The following ZDHHC21 variants were observed in gnomAD, a reference collection of about 807,000 sequenced individuals.
ZDHHC21 encodes the protein palmitoyltransferase ZDHHC21.
Under a neutral mutation model 34.6 loss-of-function variants are expected in ZDHHC21, and 15 were observed. That is an observed-to-expected ratio of 0.43 (90% CI 0.29 to 0.67). The LOEUF (loss-of-function observed/expected upper bound fraction) is 0.67, where lower values mean the gene tolerates loss of function less well. Among genes scored for constraint, ZDHHC21 ranks in the 30% least tolerant of loss-of-function variants. The pLI, the probability that ZDHHC21 is intolerant of heterozygous loss-of-function variation, is 0.14. For missense variants in ZDHHC21, 344 were observed against 327.7 expected (o/e 1.05, Z -0.38); for synonymous variants, 142 against 101.8 (o/e 1.40, Z -2.38).
chr9:14,595,601 G>A, the ZDHHC21 span, among the ~76,000 whole-genome samples: 1 of 152,104 alleles, frequency 6.6e-6, no homozygotes, highest in African/African-American at 2.4e-5. Context: ...AATATAACAG[G>A]TGAATTTTAA....
intron 6 of ZDHHC21, among the ~76,000 whole-genome samples, chr9:14,659,788 A>C (rs1003604186): frequency 6.6e-6 from 1 of 152,208 alleles, no homozygotes. Context: ...GGCATTTCTT[A>C]AGATTTAAGA....
intron 7 of ZDHHC21, among the ~76,000 whole-genome samples, chr9:14,643,382 G>C (rs905061074): frequency 6.6e-6 from 1 of 152,076 alleles, no homozygotes; most frequent in Non-Finnish European, 1.5e-5. Context: ...TACCCTAAAG[G>C]TAAAGGTTAC....
intron 8 of ZDHHC21, among the ~76,000 whole-genome samples, chr9:14,633,764 G>A (rs1268664027): frequency 2.0e-5 from 3 of 152,136 alleles, no homozygotes; most frequent in Non-Finnish European, 2.9e-5. Flanking sequence ...CCCACCCACA[G>A]CAGCCATTGT....
chr9:14,685,361 AAAAC>A (rs1164016474), intron 2 of ZDHHC21, among the ~76,000 whole-genome samples: 8 of 151,760 alleles, frequency 5.3e-5, no homozygotes, highest in African/African-American at 1.5e-4. Context: ...TTACAAGAAA[AAAAC>A]AAACAACCCC....
At chr9:14,644,723 G>A (rs193256353) in intron 7 of ZDHHC21, among the ~76,000 whole-genome samples, 4 of 151,342 alleles carry the variant, frequency 2.6e-5, no homozygotes, top group Admixed American at 2.0e-4. Flanking sequence ...TTCATTCCTA[G>A]GATAAACTCA....
At chr9:14,692,240 C>T (rs1412168554) in intron 1 of ZDHHC21, among the ~76,000 whole-genome samples, 1 of 152,124 alleles carries the variant, frequency 6.6e-6, no homozygotes, top group Non-Finnish European at 1.5e-5. Context: ...CCAGGAATGG[C>T]GCATACTAAG....
chr9:14,606,858 G>A (rs751327413), downstream of ZDHHC21, among the ~76,000 whole-genome samples: 135 of 151,994 alleles, frequency 8.9e-4, 1 homozygote, highest in Non-Finnish European at 1.6e-3. Context: ...AAAACCAGAC[G>A]TTCACCTCTA....
At position 14,642,040 on chromosome 9, in the gene ZDHHC21, T is replaced by G. The variant is rs991221923; in HGVS notation, c.505-2028A>C. ...TCCACTCTACTCCCAGTGAAAAGAT[T>G]TTAAAATAATTTTTGGCCAACTACA... On this transcript the variant is annotated intron_variant, in intron 7 of 9. Transcript: ENST00000380916. Among the ~76,000 whole-genome samples the G allele has an allele frequency of 2.0e-5, 3 of 152,226 alleles. No homozygotes were observed. The South Asian group carries it at 6.2e-4, about 32-fold the overall frequency.
rs769930294 is a variant in ZDHHC21 at position 14,662,201 on chromosome 9, T to C, written c.365+14A>G. The C allele has an allele frequency of 6.4e-7, 1 of 1,567,866 alleles. No homozygotes were observed. Among genetic ancestry groups the C allele is most frequent in the South Asian group, 1.2e-5 (1 of 83,794 alleles). ...CCACCCCTCTTTTCTTTGCTAGAAG[T>C]GAATTATTCTTACCATGGACAGTGA... On this transcript the variant is annotated intron_variant, in intron 6 of 9. Coordinates refer to ENST00000380916, the MANE Select transcript of ZDHHC21 (RefSeq NM_178566.6).
chr9:14,632,937 G>A (rs1414280728), intron 8 of ZDHHC21, among the ~76,000 whole-genome samples: 2 of 152,156 alleles, frequency 1.3e-5, no homozygotes, highest in Non-Finnish European at 2.9e-5. Context: ...AGGCTGTAGA[G>A]GAATTAGAAC....
intron 7 of ZDHHC21, among the ~76,000 whole-genome samples, chr9:14,643,376 C>T (rs1019144561): frequency 7.2e-5 from 11 of 152,298 alleles, no homozygotes; most frequent in African/African-American, 2.6e-4. Context: ...CACCCCTACC[C>T]TAAAGGTAAA....
chr9:14,679,099 G>C (rs926446663), intron 3 of ZDHHC21, among the ~76,000 whole-genome samples: 2 of 152,046 alleles, frequency 1.3e-5, no homozygotes, highest in Non-Finnish European at 2.9e-5. Context: ...TCAAAACTCA[G>C]CATATGTACA....
intron 8 of ZDHHC21, among the ~76,000 whole-genome samples, chr9:14,634,398 T>C (rs1407702785): frequency 1.3e-5 from 2 of 152,188 alleles, no homozygotes; most frequent in Non-Finnish European, 2.9e-5. Context: ...GGCCCAAGAA[T>C]TGGTCTGTGT....
At chr9:14,638,929 T>C (rs1412793282) in intron 8 of ZDHHC21, among the ~76,000 whole-genome samples, 2 of 151,878 alleles carry the variant, frequency 1.3e-5, no homozygotes, top group Non-Finnish European at 2.9e-5. Context: ...GCCTAATCAC[T>C]AAGGAAAAGA....
intron 1 of ZDHHC21, among the ~76,000 whole-genome samples, chr9:14,691,187 T>C (rs1193110830): frequency 1.3e-5 from 2 of 152,172 alleles, no homozygotes; most frequent in Non-Finnish European, 2.9e-5. Flanking sequence ...TCTCAAGCAG[T>C]TTCTTTACTA....
chr9:14,638,271 T>C (rs962329095), intron 8 of ZDHHC21, among the ~76,000 whole-genome samples: 8 of 151,836 alleles, frequency 5.3e-5, no homozygotes, highest in Non-Finnish European at 1.2e-4. Flanking sequence ...ATCAAGAACA[T>C]ACATTGGGGG....
At chr9:14,674,516 A>T (rs1013293407) in intron 3 of ZDHHC21, 131 bp from the exon 4 acceptor site, 1 of 501,562 alleles carries the variant, frequency 2.0e-6, no homozygotes, top group East Asian at 3.8e-5. Flanking sequence ...TGTAGTTGAT[A>T]TATTTATTGA....
At chr9:14,593,241 C>A in the ZDHHC21 span, among the ~76,000 whole-genome samples, 2 of 151,816 alleles carry the variant, frequency 1.3e-5, no homozygotes, top group Non-Finnish European at 2.9e-5. Context: ...ATTGACAAAC[C>A]TTTAAGTACA....
chr9:14,673,607 A>G (rs1035337266), intron 4 of ZDHHC21, among the ~76,000 whole-genome samples: 2 of 151,838 alleles, frequency 1.3e-5, no homozygotes, highest in African/African-American at 4.8e-5. Context: ...AGTACCGGTC[A>G]GTTTTATCAT....
Sources: allele counts gnomAD v4.1 joint callset (sites outside exome capture counted in the v4.1 genomes callset), GRCh38; gene constraint gnomAD v4.1.1; transcripts MANE v1.5; gene names NCBI Gene and HGNC (gene_info 2026-07-23, HGNC 2026-07-21).